The following GREB1L variants were observed in gnomAD, a reference collection of about 807,000 sequenced individuals.
GREB1L encodes GREB1 like retinoic acid receptor coactivator.
In GREB1L, 17 loss-of-function variants were observed where a neutral mutation model predicts 200.8. The ratio of observed to expected loss-of-function variants is 0.08; its 90% CI spans 0.06 to 0.13. The LOEUF is 0.13. Among genes scored for constraint, GREB1L ranks in the 10% least tolerant of loss-of-function variants. The pLI, the probability that GREB1L is intolerant of heterozygous loss-of-function variation, is 1.00. For synonymous variants in GREB1L, 789 were observed against 893.0 expected, an observed-to-expected ratio of 0.88 and a Z score of 2.08; for missense variants, 1,657 against 2,367.7, an observed-to-expected ratio of 0.70 and a Z score of 6.23.
intron 1 of GREB1L, among the ~76,000 whole-genome samples, chr18:21,326,832 A>G (rs2039029567): frequency 6.6e-6 from 1 of 152,164 alleles, no homozygotes; most frequent in South Asian, 2.1e-4. Context: ...AGAAGTATTA[A>G]CCAGCCTGTT....
chr18:21,391,950 C>G (rs1452914853), intron 4 of GREB1L, among the ~76,000 whole-genome samples: 1 of 152,160 alleles, frequency 6.6e-6, no homozygotes, highest in African/African-American at 2.4e-5. Flanking sequence ...CCTGGGACTA[C>G]AGGTCCATGC....
intron 7 of GREB1L, among the ~76,000 whole-genome samples, chr18:21,430,581 CTTTTTTTTTTT>C (rs147151717): frequency 0.015 from 923 of 60,224 alleles, 30 homozygotes; most frequent in African/African-American, 0.058. Flanking sequence ...GATTTGGGAT[CTTTTTTTTTTT>C]TTTTTTTTTT....
intron 31 of GREB1L, among the ~76,000 whole-genome samples, chr18:21,519,769 G>A (rs947978425): frequency 3.9e-5 from 6 of 152,158 alleles, no homozygotes; most frequent in Non-Finnish European, 7.3e-5. Context: ...ACTAAATGGA[G>A]GAACCAGTAT....
At chr18:21,304,282 G>A (rs1206781336) in intron 1 of GREB1L, among the ~76,000 whole-genome samples, 1 of 151,696 alleles carries the variant, frequency 6.6e-6, no homozygotes, top group African/African-American at 2.4e-5. Context: ...TCTGATATAA[G>A]TTATTGTCAG....
At chr18:21,340,502 G>A (rs2039253260) in intron 1 of GREB1L, among the ~76,000 whole-genome samples, 1 of 151,882 alleles carries the variant, frequency 6.6e-6, no homozygotes, top group Admixed American at 6.6e-5. Context: ...CTACTTATGA[G>A]TGTGGTAATT....
intron 1 of GREB1L, among the ~76,000 whole-genome samples, chr18:21,247,084 G>A (rs1252208957): frequency 6.6e-6 from 1 of 152,120 alleles, no homozygotes; most frequent in Non-Finnish European, 1.5e-5. Context: ...AGCTCTTTGT[G>A]CTGTTGAGCC....
At chr18:21,253,847 T>TC (rs1555622331) in intron 1 of GREB1L, among the ~76,000 whole-genome samples, 15 of 149,062 alleles carry the variant, frequency 1.0e-4, no homozygotes, top group African/African-American at 2.5e-4. Context: ...TTTTTTTTTT[T>TC]CCCCTTAGAG....
intron 1 of GREB1L, among the ~76,000 whole-genome samples, chr18:21,348,807 T>C (rs1014725235): frequency 6.6e-6 from 1 of 152,022 alleles, no homozygotes; most frequent in African/African-American, 2.4e-5. Flanking sequence ...CAGCCAGCCA[T>C]GGTGGCATGC....
chr18:21,427,123 A>T (rs568316571), intron 7 of GREB1L, among the ~76,000 whole-genome samples: 1 of 152,286 alleles, frequency 6.6e-6, no homozygotes, highest in East Asian at 1.9e-4. Flanking sequence ...CAATAGTTTG[A>T]GTAGTATTGC....
chr18:21,320,545 C>T (rs146800495), intron 1 of GREB1L, among the ~76,000 whole-genome samples: 3,402 of 152,012 alleles, frequency 0.022, 138 homozygotes, highest in African/African-American at 0.079. Context: ...GGGTGGATCA[C>T]GAGGTCAGGA....
chr18:21,483,707 T>G (rs1295607589), intron 17 of GREB1L, among the ~76,000 whole-genome samples: 2 of 152,140 alleles, frequency 1.3e-5, no homozygotes, highest in Non-Finnish European at 1.5e-5. Context: ...CCGGGCACAT[T>G]GGCTCATGTC....
At chr18:21,493,103 C>A (rs1416100281) in intron 19 of GREB1L, among the ~76,000 whole-genome samples, 9 of 152,170 alleles carry the variant, frequency 5.9e-5, no homozygotes, top group Admixed American at 5.9e-4. Flanking sequence ...AAGTAGATTG[C>A]GGCTCACTCA....
chr18:21,460,449 G>A (rs1301071650), intron 15 of GREB1L, among the ~76,000 whole-genome samples: 6 of 152,026 alleles, frequency 3.9e-5, no homozygotes, highest in South Asian at 4.2e-4. Context: ...GGGTTCAAGC[G>A]ATTCTCCTGC....
At chr18:21,480,466 C>A (rs1213176636) in intron 17 of GREB1L, among the ~76,000 whole-genome samples, 1 of 152,028 alleles carries the variant, frequency 6.6e-6, no homozygotes. Flanking sequence ...AATAGTTATA[C>A]TCTTCTTCAA....
At chr18:21,251,097 G>T (rs2037695380) in intron 1 of GREB1L, among the ~76,000 whole-genome samples, 1 of 152,158 alleles carries the variant, frequency 6.6e-6, no homozygotes, top group Admixed American at 6.5e-5. Flanking sequence ...GGGAGGAAGA[G>T]CACTTGAAGC....
At chr18:21,434,233 G>A (rs1178636157) in intron 7 of GREB1L, among the ~76,000 whole-genome samples, 1 of 152,100 alleles carries the variant, frequency 6.6e-6, no homozygotes, top group Non-Finnish European at 1.5e-5. Context: ...CCAGCACTTT[G>A]GGAGGCCAAT....
intron 15 of GREB1L, among the ~76,000 whole-genome samples, chr18:21,469,942 G>T (rs769279203): frequency 6.6e-6 from 1 of 151,888 alleles, no homozygotes; most frequent in Non-Finnish European, 1.5e-5. Context: ...ACTCTTTTTG[G>T]TTCTTTGCTC....
Position 21,284,576 on chromosome 18 carries a change from A to T in GREB1L, c.-120+42183A>T, listed in dbSNP as rs2038323366. On this transcript the variant is annotated intron_variant, in intron 1 of 32. Coordinates refer to ENST00000424526, the MANE Select transcript of GREB1L (RefSeq NM_001142966.3). ...TTGTTTATTCTTCATCAGTTGATAGACATTTGGGCTGTTTCCACTTTTTTG... is the reference window on the plus strand; with the variant it reads ...TTGTTTATTCTTCATCAGTTGATAGTCATTTGGGCTGTTTCCACTTTTTTG... Among the ~76,000 whole-genome samples the T allele has an allele frequency of 3.9e-5, 6 of 152,328 alleles. No homozygotes were observed. In the South Asian group the frequency reaches 1.2e-3, roughly 32 times the overall value.
Position 21,401,344 on chromosome 18 carries a change from A to C in GREB1L, c.709+18A>C. On this transcript the variant is annotated intron_variant, in intron 6 of 32. Transcript: ENST00000424526. ...CTGGAAAGGTAGTCAATTTCCAGGA[A>C]GAAAAGGGGAGGGAATGGAGATTTT... 6.5e-7 allele frequency: 1 copy of C among 1,539,808 alleles called. No homozygotes were observed. The highest frequency in any genetic ancestry group is 8.8e-7 in the Non-Finnish European group (1 of 1,138,708).
Sources: allele counts gnomAD v4.1 joint callset (sites outside exome capture counted in the v4.1 genomes callset), GRCh38; gene constraint gnomAD v4.1.1; transcripts MANE v1.5; gene names NCBI Gene and HGNC (gene_info 2026-07-23, HGNC 2026-07-21).